Variants in NOS1AP observed in about 807,000 individuals in gnomAD.
NOS1AP encodes the protein carboxyl-terminal PDZ ligand of neuronal nitric oxide synthase protein.
A neutral mutation model predicts 56.2 loss-of-function variants in NOS1AP; 21 were observed. The observed-to-expected ratio is 0.37, with a 90% CI of 0.26 to 0.54. The LOEUF is 0.54. NOS1AP is among the 20% of genes least tolerant of loss of function. The pLI, the probability that NOS1AP is intolerant of heterozygous loss-of-function variation, is 0.84. For missense variants in NOS1AP, 522 were observed against 657.8 expected (o/e 0.79, Z 2.26); for synonymous variants, 270 against 274.6 (o/e 0.98, Z 0.17).
chr1:162,318,582 C>A (rs1656305906), intron 4 of NOS1AP, among the ~76,000 whole-genome samples: 1 of 151,810 alleles, frequency 6.6e-6, no homozygotes, highest in African/African-American at 2.4e-5. Context: ...TTTTCTGACT[C>A]CTCCTATTAC....
intron 1 of NOS1AP, among the ~76,000 whole-genome samples, chr1:162,146,982 C>T (rs1279315469): frequency 6.6e-6 from 1 of 152,132 alleles, no homozygotes; most frequent in African/African-American, 2.4e-5. Context: ...TAGTCTGATA[C>T]TAGCTACTCC....
intron 7 of NOS1AP, among the ~76,000 whole-genome samples, chr1:162,356,603 C>T (rs367689530): frequency 6.6e-6 from 1 of 152,152 alleles, no homozygotes; most frequent in South Asian, 2.1e-4. Context: ...ATGGAAGCTA[C>T]GTTTTCCTAA....
At chr1:162,145,245 GTGTA>G (rs1401428606) in intron 1 of NOS1AP, among the ~76,000 whole-genome samples, 1 of 136,816 alleles carries the variant, frequency 7.3e-6, no homozygotes, top group African/African-American at 2.8e-5. Flanking sequence ...AGCTTTTCTG[GTGTA>G]TGTGAGGGGT....
At chr1:162,277,214 C>G (rs1488484240) in intron 2 of NOS1AP, among the ~76,000 whole-genome samples, 1 of 152,210 alleles carries the variant, frequency 6.6e-6, no homozygotes, top group African/African-American at 2.4e-5. Context: ...TAAGTGGAAT[C>G]TTCTGGGTGT....
At chr1:162,148,064 C>G (rs1159199075) in intron 1 of NOS1AP, among the ~76,000 whole-genome samples, 2 of 152,150 alleles carry the variant, frequency 1.3e-5, no homozygotes, top group African/African-American at 2.4e-5. Flanking sequence ...AAGCATCTGG[C>G]TTAGGTCCAA....
chr1:162,139,685 C>T lies in NOS1AP; in HGVS notation c.106-14720C>T, dbSNP rs951112656. Among the ~76,000 whole-genome samples, 8 of 152,320 alleles carry T rather than the reference C, an allele frequency of 5.3e-5. No individual in the cohort carries two copies. In the East Asian group the frequency reaches 1.5e-3, roughly 29 times the overall value. ...GTAATTTGAATCTTTCGCCACAAAA[C>T]AATCTTTATTAAAATATTGGTTTCT... On this transcript the variant is annotated intron_variant, in intron 1 of 9. Coordinates refer to ENST00000361897, the MANE Select transcript of NOS1AP (RefSeq NM_014697.3).
At chr1:162,325,873 A>G (rs187888108) in intron 4 of NOS1AP, among the ~76,000 whole-genome samples, 7 of 151,574 alleles carry the variant, frequency 4.6e-5, no homozygotes, top group African/African-American at 1.2e-4. Context: ...CAAGAGAAAA[A>G]TCTCTATACC....
At chr1:162,185,597 G>A (rs765366644) in intron 2 of NOS1AP, among the ~76,000 whole-genome samples, 2 of 152,206 alleles carry the variant, frequency 1.3e-5, no homozygotes, top group African/African-American at 4.8e-5. Flanking sequence ...CTTGCCATGT[G>A]CATTAGGACA....
chr1:162,110,121 A>G (rs1647656244), intron 1 of NOS1AP, among the ~76,000 whole-genome samples: 1 of 152,086 alleles, frequency 6.6e-6, no homozygotes, highest in Non-Finnish European at 1.5e-5. Context: ...CTGAACTTCC[A>G]CTGCGCTGCA....
At chr1:162,103,527 T>C (rs1192397779) in intron 1 of NOS1AP, among the ~76,000 whole-genome samples, 1 of 152,112 alleles carries the variant, frequency 6.6e-6, no homozygotes, top group Non-Finnish European at 1.5e-5. Context: ...ATATTGACAG[T>C]GGGGTATTGA....
intron 1 of NOS1AP, among the ~76,000 whole-genome samples, chr1:162,154,133 C>A (rs1486965584): frequency 6.6e-6 from 1 of 152,024 alleles, no homozygotes; most frequent in Non-Finnish European, 1.5e-5. Flanking sequence ...GTCTTCACAC[C>A]CAAGGCTTTC....
At chr1:162,343,722 A>G in intron 5 of NOS1AP, 113 bp from the exon 6 acceptor site, 1 of 1,245,292 alleles carries the variant, frequency 8.0e-7, no homozygotes, top group Non-Finnish European at 1.2e-6. Context: ...GTATGTGCAT[A>G]TCTGAACAAC....
At chr1:162,332,744 T>C (rs1643008431) in intron 4 of NOS1AP, among the ~76,000 whole-genome samples, 1 of 152,172 alleles carries the variant, frequency 6.6e-6, no homozygotes, top group African/African-American at 2.4e-5. Context: ...CAGGGACAGA[T>C]TTGCCACCTC....
rs1657665291 is a variant in NOS1AP, at chr1:162,355,279, G to A, written c.688G>A (p.Val230Ile). 1 of 1,614,024 alleles carries A rather than the reference G, an allele frequency of 6.2e-7. No homozygotes were observed. Among genetic ancestry groups the A allele is most frequent in the Non-Finnish European group, 8.5e-7 (1 of 1,180,010 alleles). Residue 230 changes from valine to isoleucine, a missense_variant, in exon 7 of 10, where the codon GTC becomes ATC. Transcript: ENST00000361897. Reference protein sequence around the residue: ...AVEVPLPGNDVLEFSRGVTDL... With the variant: ...AVEVPLPGNDILEFSRGVTDL... ...GGAGGTCCCACTTCCAGGGAATGAT[G>A]TCCTGGAATTCAGCCGAGGTGTGAC...
chr1:162,268,081 A>G (rs977102114), intron 2 of NOS1AP, among the ~76,000 whole-genome samples: 5 of 152,016 alleles, frequency 3.3e-5, no homozygotes, highest in African/African-American at 1.2e-4. Flanking sequence ...CAATACATTA[A>G]AACCCCTTCT....
chr1:162,244,091 C>G (rs902095097), intron 2 of NOS1AP, among the ~76,000 whole-genome samples: 1 of 152,182 alleles, frequency 6.6e-6, no homozygotes, highest in Admixed American at 6.5e-5. Flanking sequence ...GTATTTTTAC[C>G]TGCTCTGCTG....
intron 4 of NOS1AP, among the ~76,000 whole-genome samples, chr1:162,312,723 C>T (rs10800444): frequency 0.12 from 18,345 of 151,970 alleles, 1,386 homozygotes; most frequent in African/African-American, 0.21. Flanking sequence ...TTAGGTCTAA[C>T]GTTTAAGATA....
chr1:162,128,982 G>C (rs1488132692), intron 1 of NOS1AP, among the ~76,000 whole-genome samples: 2 of 152,158 alleles, frequency 1.3e-5, no homozygotes, highest in Non-Finnish European at 2.9e-5. Context: ...ATTCTCATTA[G>C]GCGCTGATAA....
intron 2 of NOS1AP, among the ~76,000 whole-genome samples, chr1:162,210,576 A>T (rs1388622837): frequency 6.6e-6 from 1 of 152,146 alleles, no homozygotes; most frequent in Non-Finnish European, 1.5e-5. Context: ...CCATGACAGC[A>T]TTTTATAGGC....
Sources: allele counts gnomAD v4.1 joint callset (sites outside exome capture counted in the v4.1 genomes callset), GRCh38; gene constraint gnomAD v4.1.1; transcripts MANE v1.5; gene names NCBI Gene and HGNC (gene_info 2026-07-23, HGNC 2026-07-21).